Variants in TDRD9 observed in about 807,000 individuals in gnomAD.
TDRD9 encodes the protein ATP-dependent RNA helicase TDRD9.
TDRD9 carries 124 observed loss-of-function variants against 172.6 expected under a neutral mutation model. The observed-to-expected ratio is 0.72, with a 90% confidence interval of 0.62 to 0.83. TDRD9 has a LOEUF of 0.83. Among genes scored for constraint, TDRD9 ranks in the 40% least tolerant of loss-of-function variants. TDRD9 has a pLI of 0.00. For missense variants in TDRD9, 1,479 were observed against 1,714.1 expected, an observed-to-expected ratio of 0.86 and a Z score of 2.42; for synonymous variants, 619 against 617.1, an observed-to-expected ratio of 1.00 and a Z score of -0.05.
intron 32 of TDRD9, among the ~76,000 whole-genome samples, chr14:104,036,320 A>T (rs1458421326): frequency 6.6e-6 from 1 of 152,164 alleles, no homozygotes; most frequent in East Asian, 1.9e-4. Flanking sequence ...GTCTGAAAGG[A>T]TTGAATATGC....
chr14:104,029,271 A>G (rs1171493242), intron 28 of TDRD9, among the ~76,000 whole-genome samples: 3 of 152,010 alleles, frequency 2.0e-5, no homozygotes, highest in Non-Finnish European at 2.9e-5. Context: ...CTCGCTTTGG[A>G]TAGTATGGTC....
intron 1 of TDRD9, among the ~76,000 whole-genome samples, chr14:103,954,646 T>A (rs1181468516): frequency 6.6e-6 from 1 of 152,222 alleles, no homozygotes; most frequent in Non-Finnish European, 1.5e-5. Context: ...TTATTTTTTT[T>A]GAGATGGAAT....
intron 20 of TDRD9, among the ~76,000 whole-genome samples, chr14:104,009,277 T>G (rs902058545): frequency 6.6e-6 from 1 of 152,200 alleles, no homozygotes; most frequent in Non-Finnish European, 1.5e-5. Context: ...ATATTCTCCT[T>G]TTGAGAATAT....
chr14:103,940,699 G>T, intron 1 of TDRD9: 1 of 700,098 alleles, frequency 1.4e-6, no homozygotes, highest in South Asian at 1.9e-5. Context: ...ACATCCACAG[G>T]ATACTGACCT....
At chr14:104,022,723 T>A (rs2034997665) in intron 24 of TDRD9, among the ~76,000 whole-genome samples, 1 of 87,306 alleles carries the variant, frequency 1.1e-5, no homozygotes, top group South Asian at 4.0e-4. Context: ...CAAGACGCTG[T>A]CTTAAAAAAT....
At chr14:103,958,991 G>T (rs2152136883) in intron 2 of TDRD9, among the ~76,000 whole-genome samples, 1 of 152,270 alleles carries the variant, frequency 6.6e-6, no homozygotes, top group South Asian at 2.1e-4. Context: ...GCTTTTCTTG[G>T]GATGACTGTG....
chr14:104,014,278 A>G (rs2034714161), intron 20 of TDRD9, among the ~76,000 whole-genome samples: 1 of 149,538 alleles, frequency 6.7e-6, no homozygotes, highest in Non-Finnish European at 1.5e-5. Flanking sequence ...TTTTTAAGAG[A>G]TTATTTCTTT....
In TDRD9 at chr14:104,014,737, T is replaced by C. The variant is rs752974491; in HGVS notation, c.2119T>C (p.Tyr707His). The change falls in exon 21 of 36, where the codon TAT becomes CAT. Residue 707 changes from tyrosine (Y) to histidine (H), a missense_variant. By Grantham distance (83) the Tyr-to-His change is moderately conservative. Around this residue, in one of 3 missense-constraint regions of TDRD9, gnomAD observed 1,413 missense variants for 1,649.1 expected, o/e 0.86. Transcript: ENST00000409874. ...GTATTTTTCTTAGGTGGCTGAATTA[T>C]ATGAAGAATTGAAGACTAGAATCTC... ...IKRIREVAEL[Y>H]EELKTRISQF... The C allele has an allele frequency of 3.1e-6, 5 of 1,604,078 alleles. No homozygotes were observed. Among genetic ancestry groups the C allele is most frequent in the Non-Finnish European group, 4.3e-6 (5 of 1,172,092 alleles).
intron 22 of TDRD9, 50 bp downstream of exon 22, chr14:104,016,138 AT>A: frequency 7.9e-7 from 1 of 1,267,080 alleles, no homozygotes; most frequent in Non-Finnish European, 1.1e-6. Context: ...GGGGCAGAAC[AT>A]TTTTGTTCTC....
chr14:104,010,320 A>C (rs1345605647), intron 20 of TDRD9, among the ~76,000 whole-genome samples: 1 of 152,006 alleles, frequency 6.6e-6, no homozygotes, highest in African/African-American at 2.4e-5. Context: ...TATCTATTTT[A>C]AAAAATAATT....
rs56057606 is a variant in TDRD9 at position 104,049,146 on chromosome 14, GTA to G, written c.3975-460_3975-459del. Among the ~76,000 whole-genome samples, 39 of 133,116 alleles carry G rather than the reference GTA, an allele frequency of 2.9e-4. 1 individual carries two copies. Among genetic ancestry groups the G allele is most frequent in the South Asian group, 9.6e-4 (4 of 4,146 alleles). 87.3% of individuals were successfully genotyped at this position (133,116 alleles called of 152,430 possible). ...TGTGTGTGTGTGTGTGTGTGTGTGT[GTA>G]TGTATGTATGTATGTATACAGTTTT... On this transcript the variant is annotated intron_variant, in intron 34 of 35. Transcript: ENST00000409874.
intron 1 of TDRD9, chr14:103,941,013 A>G (rs1248122354): frequency 7.2e-6 from 11 of 1,535,204 alleles, no homozygotes; most frequent in Non-Finnish European, 9.6e-6. Flanking sequence ...TCCCTCTGTC[A>G]GAGCTGCTTA....
At chr14:103,983,269 G>A in intron 7 of TDRD9, among the ~76,000 whole-genome samples, 1 of 151,828 alleles carries the variant, frequency 6.6e-6, no homozygotes, top group East Asian at 1.9e-4. Context: ...CACCATGTTG[G>A]CCAGGCTGGT....
At chr14:103,975,992 T>C (rs2033222963) in intron 7 of TDRD9, among the ~76,000 whole-genome samples, 1 of 152,204 alleles carries the variant, frequency 6.6e-6, no homozygotes, top group African/African-American at 2.4e-5. Flanking sequence ...AAGTTATTTC[T>C]TATCTAGCTA....
chr14:103,994,295 C>A (rs748430370), intron 9 of TDRD9, 37 bp from the exon 10 acceptor site: 5 of 1,583,154 alleles, frequency 3.2e-6, no homozygotes, highest in Non-Finnish European at 4.3e-6. Context: ...TAAATACAAA[C>A]ATGTTTATTT....
intron 29 of TDRD9, 78 bp downstream of exon 29, chr14:104,031,341 A>C (rs1361812776): frequency 1.5e-6 from 2 of 1,302,532 alleles, no homozygotes; most frequent in African/African-American, 3.0e-5. Context: ...TGTAGTCAGT[A>C]GTCATGGTGG....
At chr14:103,940,236 A>G (rs1422514596) in intron 1 of TDRD9, among the ~76,000 whole-genome samples, 1 of 152,160 alleles carries the variant, frequency 6.6e-6, no homozygotes, top group Non-Finnish European at 1.5e-5. Context: ...GAGTTTTATT[A>G]CACGTTCCCT....
chr14:104,050,649 C>G (rs760770745), intron 35 of TDRD9, among the ~76,000 whole-genome samples: 4 of 152,172 alleles, frequency 2.6e-5, no homozygotes, highest in Non-Finnish European at 5.9e-5. Context: ...GCCTGCTCCC[C>G]CTGTGCCCTG....
chr14:104,012,514 C>CT (rs34438756), intron 20 of TDRD9, among the ~76,000 whole-genome samples: 182 of 142,002 alleles, frequency 1.3e-3, no homozygotes, highest in African/African-American at 2.9e-3. Flanking sequence ...TAAATCATTG[C>CT]TTTTTTTTTT....
Sources: gnomAD v4.1 joint callset for allele counts (sites outside exome capture counted in the v4.1 genomes callset) on GRCh38, gnomAD v4.1.1 for gene constraint, gnomAD v4.1.1 regional missense constraint, MANE v1.5 for transcripts, NCBI Gene and HGNC (gene_info 2026-07-23, HGNC 2026-07-21) for gene names.